ZC3H3: variants seen among roughly 807,000 people sequenced by gnomAD.
ZC3H3 encodes zinc finger CCCH domain-containing protein 3.
In ZC3H3, 36 loss-of-function variants were observed where a neutral mutation model predicts 77.3. That is an observed-to-expected ratio of 0.47 (90% CI 0.36 to 0.61). ZC3H3 has a LOEUF of 0.61. Ranked by LOEUF, ZC3H3 falls within the 20% of genes least tolerant of loss-of-function variation. ZC3H3 has a pLI of 0.00. For synonymous variants in ZC3H3, 626 were observed against 555.2 expected, an observed-to-expected ratio of 1.13 and a Z score of -1.79; for missense variants, 1,331 against 1,312.2, an observed-to-expected ratio of 1.01 and a Z score of -0.22.
intron 3 of ZC3H3, among the ~76,000 whole-genome samples, chr8:143,532,805 G>A (rs960423963): frequency 6.6e-6 from 1 of 152,202 alleles, no homozygotes; most frequent in African/African-American, 2.4e-5. Context: ...ACAGCTTCCT[G>A]GGCCCCAGCC....
intron 4 of ZC3H3, among the ~76,000 whole-genome samples, chr8:143,477,638 A>G (rs1380458017): frequency 6.6e-6 from 1 of 152,180 alleles, no homozygotes; most frequent in Non-Finnish European, 1.5e-5. Context: ...TCTCAGTTGG[A>G]GAACCCCATC....
chr8:143,460,848 G>A lies in ZC3H3; in HGVS notation c.2307+4869C>T, dbSNP rs571221771. 4.6e-5 allele frequency among the ~76,000 whole-genome samples: 7 copies of A among 152,278 alleles called. No individual in the cohort carries two copies. Among genetic ancestry groups the A allele is most frequent in the East Asian group, 1.9e-4 (1 of 5,188 alleles). On this transcript the variant is annotated intron_variant, in intron 9 of 11. Transcript: ENST00000262577. The surrounding 1 kb of genome is among the most constrained non-coding windows in gnomAD (Gnocchi z 4.0). ...CTAGACCCTGGAAACATTACGCTGCGTGAAAGACGCCAGACACCAAAGGAC... is the reference window on the plus strand; with the variant it reads ...CTAGACCCTGGAAACATTACGCTGCATGAAAGACGCCAGACACCAAAGGAC...
Position 143,507,918 on chromosome 8 carries a change from G to A in ZC3H3, c.1562-19C>T. ...CTGGACGCTGTAGAGAAAACCCAGG[G>A]CACAGACATGGGTCAGGGAAGGCCG... On this transcript the variant is annotated intron_variant, in intron 3 of 11. Transcript: ENST00000262577. The A allele has an allele frequency of 6.4e-7, 1 of 1,566,564 alleles. No individual in the cohort carries two copies. Among genetic ancestry groups the A allele is most frequent in the Non-Finnish European group, 8.7e-7 (1 of 1,150,308 alleles).
At chr8:143,507,943 G>T in intron 3 of ZC3H3, 44 bp from the exon 4 acceptor site, 1 of 1,517,148 alleles carries the variant, frequency 6.6e-7, no homozygotes. Flanking sequence ...AGGGAAGGCC[G>T]GCAAGGGTAG....
chr8:143,509,203 A>G (rs1563868626), intron 3 of ZC3H3, among the ~76,000 whole-genome samples: 2 of 152,376 alleles, frequency 1.3e-5, no homozygotes, highest in Non-Finnish European at 2.9e-5. Context: ...CCCAGAGTCC[A>G]CATCAGAGAG....
intron 3 of ZC3H3, among the ~76,000 whole-genome samples, chr8:143,518,095 C>A (rs551601270): frequency 4.3e-4 from 66 of 152,326 alleles, no homozygotes; most frequent in African/African-American, 1.5e-3. Flanking sequence ...GCGCCATGGC[C>A]CTGGTGCTGC....
chr8:143,523,331 G>A (rs770574002), intron 3 of ZC3H3: 12 of 985,288 alleles, frequency 1.2e-5, no homozygotes, highest in African/African-American at 1.0e-4. Context: ...CAGCGCCAGC[G>A]GCTCAGAGCC....
intron 9 of ZC3H3, among the ~76,000 whole-genome samples, chr8:143,444,498 G>C (rs1404532885): frequency 1.3e-5 from 2 of 152,196 alleles, no homozygotes; most frequent in Non-Finnish European, 2.9e-5. Flanking sequence ...CTTGCAATGT[G>C]TAAAAACACT....
intron 4 of ZC3H3, among the ~76,000 whole-genome samples, chr8:143,506,967 G>A (rs1821715873): frequency 6.6e-6 from 1 of 152,268 alleles, no homozygotes; most frequent in South Asian, 2.1e-4. Flanking sequence ...ACTCCCCCAG[G>A]AGCAGATTCC....
At position 143,462,803 on chromosome 8, in the gene ZC3H3, G is replaced by A. The variant is rs534841968; in HGVS notation, c.2307+2914C>T. ...TGGAGTCACTGTCACCCCTGCACACGTGCACACGATGCTCCCCAGCCCTGT... is the reference window on the plus strand; with the variant it reads ...TGGAGTCACTGTCACCCCTGCACACATGCACACGATGCTCCCCAGCCCTGT... On this transcript the variant is annotated intron_variant, in intron 9 of 11. Transcript: ENST00000262577. The surrounding 1 kb of genome is among the most constrained non-coding windows in gnomAD (Gnocchi z 4.7). Among the ~76,000 whole-genome samples the A allele has an allele frequency of 2.0e-5, 3 of 152,316 alleles. No individual in the cohort carries two copies. The highest frequency in any genetic ancestry group is 2.1e-4 in the South Asian group (1 of 4,832).
chr8:143,482,867 G>A (rs976599903), intron 4 of ZC3H3, among the ~76,000 whole-genome samples: 10 of 152,192 alleles, frequency 6.6e-5, no homozygotes, highest in African/African-American at 1.4e-4. Context: ...GTCTTGGCCC[G>A]GCCCTAGCAG....
At chr8:143,438,433 C>T (rs1372951847) in intron 11 of ZC3H3, among the ~76,000 whole-genome samples, 1 of 152,212 alleles carries the variant, frequency 6.6e-6, no homozygotes, top group Non-Finnish European at 1.5e-5. Flanking sequence ...GCCATCAGTA[C>T]TGGTGCACAC....
At chr8:143,483,111 C>T (rs1259716005) in intron 4 of ZC3H3, among the ~76,000 whole-genome samples, 4 of 150,502 alleles carry the variant, frequency 2.7e-5, no homozygotes, top group African/African-American at 7.3e-5. Context: ...GGAGCCCGAG[C>T]GGGGAGTGCG....
intron 4 of ZC3H3, among the ~76,000 whole-genome samples, chr8:143,478,198 C>CTCA (rs1480213261): frequency 6.6e-6 from 1 of 152,204 alleles, no homozygotes; most frequent in Admixed American, 6.5e-5. Flanking sequence ...TGTGCAAGGA[C>CTCA]TCACCTGCAG....
chr8:143,500,519 T>G (rs1302598189), intron 4 of ZC3H3, among the ~76,000 whole-genome samples: 1 of 152,238 alleles, frequency 6.6e-6, no homozygotes, highest in Non-Finnish European at 1.5e-5. Context: ...CTAAGTCCAT[T>G]TTCTGCTGCT....
At chr8:143,510,695 C>T (rs1353414253) in intron 3 of ZC3H3, among the ~76,000 whole-genome samples, 1 of 152,224 alleles carries the variant, frequency 6.6e-6, no homozygotes, top group Non-Finnish European at 1.5e-5. Context: ...CAGAAACAGG[C>T]CTCTGCCCTC....
At chr8:143,489,650 T>C (rs1038273095) in intron 4 of ZC3H3, among the ~76,000 whole-genome samples, 18 of 152,338 alleles carry the variant, frequency 1.2e-4, no homozygotes, top group African/African-American at 4.1e-4. Context: ...GCCTATGCTT[T>C]ATGGCTTTCT....
intron 2 of ZC3H3, among the ~76,000 whole-genome samples, chr8:143,536,945 C>A (rs564996907): frequency 6.6e-6 from 1 of 152,108 alleles, no homozygotes; most frequent in African/African-American, 2.4e-5. Context: ...GAGTTGCCAC[C>A]GAGAAACAGC....
intron 3 of ZC3H3, among the ~76,000 whole-genome samples, chr8:143,520,243 G>A (rs1822197687): frequency 6.6e-6 from 1 of 152,238 alleles, no homozygotes; most frequent in Non-Finnish European, 1.5e-5. Flanking sequence ...AGAAGAGGCT[G>A]AGAGCTCTTC....
Sources: allele counts gnomAD v4.1 joint callset (sites outside exome capture counted in the v4.1 genomes callset), GRCh38; gene constraint gnomAD v4.1.1; non-coding constraint Gnocchi (gnomAD v3.1); transcripts MANE v1.5; gene names NCBI Gene and HGNC (gene_info 2026-07-23, HGNC 2026-07-21).